CBLB: variants seen among roughly 807,000 people sequenced by gnomAD.
The protein encoded by CBLB is E3 ubiquitin-protein ligase CBL-B.
Under a neutral mutation model 104.9 loss-of-function variants are expected in CBLB, and 31 were observed. The ratio of observed to expected loss-of-function variants is 0.30; its 90% CI spans 0.22 to 0.40. The LOEUF is 0.40. Ranked by LOEUF, CBLB falls within the 10% of genes least tolerant of loss-of-function variation. The pLI is 1.00. For missense variants in CBLB, 1,062 were observed against 1,214.6 expected (o/e 0.87, Z 1.87); for synonymous variants, 440 against 422.6 (o/e 1.04, Z -0.51).
At chr3:105,711,744 ACTT>A (rs2071127342) in intron 10 of CBLB, among the ~76,000 whole-genome samples, 1 of 151,866 alleles carries the variant, frequency 6.6e-6, no homozygotes. Context: ...TTTTTTTTCT[ACTT>A]CTTAATACAG....
At chr3:105,801,262 TATAAAACC>T (rs2082832870) in intron 3 of CBLB, among the ~76,000 whole-genome samples, 1 of 152,178 alleles carries the variant, frequency 6.6e-6, no homozygotes, top group South Asian at 2.1e-4. Flanking sequence ...TTTAATAGCT[TATAAAACC>T]TAGGTAGAGG....
At chr3:105,681,853 G>A (rs1299747539) in intron 14 of CBLB, 35 bp from the exon 15 acceptor site, 1 of 1,214,938 alleles carries the variant, frequency 8.2e-7, no homozygotes, top group East Asian at 2.3e-5. Flanking sequence ...TATATAAGGA[G>A]AATACTTTCC....
chr3:105,776,595 G>A, intron 3 of CBLB, 53 bp from the exon 4 acceptor site: 2 of 1,486,420 alleles, frequency 1.3e-6, no homozygotes, highest in African/African-American at 1.4e-5. Context: ...CTAGATGCAT[G>A]CAAATTTTTA....
At position 105,703,981 on chromosome 3, in the gene CBLB, G is replaced by T; in HGVS notation, c.1593+7C>A. ...TTTCATCTGTGTTTCTAATAAAATT[G>T]ATCTACCTTTGGTGAACCCGTTGGG... On this transcript the variant is annotated splice_region_variant and intron_variant, in intron 11 of 18. Transcript: ENST00000394030. 1 of 1,612,260 alleles carries T rather than the reference G, an allele frequency of 6.2e-7. No homozygotes were observed. Among genetic ancestry groups the T allele is most frequent in the African/African-American group, 1.3e-5 (1 of 74,986 alleles).
chr3:105,716,878 A>G (rs985918936), intron 10 of CBLB, among the ~76,000 whole-genome samples: 1 of 152,140 alleles, frequency 6.6e-6, no homozygotes, highest in African/African-American at 2.4e-5. Flanking sequence ...TAAAAAACAG[A>G]AAGGATCAAT....
At chr3:105,766,388 T>C (rs912872831) in intron 4 of CBLB, among the ~76,000 whole-genome samples, 1 of 152,190 alleles carries the variant, frequency 6.6e-6, no homozygotes, top group East Asian at 1.9e-4. Context: ...CAATTTTGAA[T>C]GAAACTCTAT....
chr3:105,726,769 T>C (rs758231943), intron 9 of CBLB, among the ~76,000 whole-genome samples: 27 of 152,200 alleles, frequency 1.8e-4, no homozygotes, highest in Non-Finnish European at 3.4e-4. Flanking sequence ...GTTCTCAATG[T>C]TCAACTTCCA....
intron 10 of CBLB, among the ~76,000 whole-genome samples, chr3:105,705,119 TTC>T (rs376632304): frequency 1.1e-4 from 16 of 152,342 alleles, no homozygotes; most frequent in African/African-American, 3.6e-4. Flanking sequence ...TTTGATATTG[TTC>T]TGTTTCTGAA....
chr3:105,685,234 G>T, intron 14 of CBLB, 86 bp downstream of exon 14: 2 of 1,141,450 alleles, frequency 1.8e-6, no homozygotes, highest in Non-Finnish European at 1.3e-6. Context: ...TTTTTAATTA[G>T]ACGTGAATCA....
intron 5 of CBLB, among the ~76,000 whole-genome samples, chr3:105,750,988 C>G (rs914976829): frequency 2.6e-5 from 4 of 152,140 alleles, no homozygotes; most frequent in Non-Finnish European, 5.9e-5. Context: ...AAAATAAGTA[C>G]AGGACACAGT....
intron 3 of CBLB, among the ~76,000 whole-genome samples, chr3:105,853,081 C>T (rs1376888924): frequency 6.6e-6 from 1 of 152,104 alleles, no homozygotes; most frequent in Admixed American, 6.5e-5. Flanking sequence ...CACATACTTA[C>T]CATTGTGTTA....
chr3:105,808,185 A>C (rs2083771608), intron 3 of CBLB, among the ~76,000 whole-genome samples: 1 of 152,234 alleles, frequency 6.6e-6, no homozygotes, highest in South Asian at 2.1e-4. Flanking sequence ...GAAAATATTA[A>C]GTTAACTTTC....
chr3:105,821,953 A>T (rs1375160344), intron 3 of CBLB, among the ~76,000 whole-genome samples: 2 of 152,150 alleles, frequency 1.3e-5, no homozygotes, highest in African/African-American at 4.8e-5. Context: ...GATACTAAAC[A>T]CATCTTTCTG....
chr3:105,737,231 A>G lies in CBLB; in HGVS notation c.1011T>C (p.Tyr337=), dbSNP rs2075049628. The part of the protein sequence containing the change: ...GFYLYPDGRS[Y]NPDLTGLCEP... ...CACATAATCCAGTTAAATCAGGATT[A>G]TAACTCCTCCCATCAGGATAAAGAT... The change falls in exon 8 of 19, where the codon TAT becomes TAC. Residue 337 remains tyrosine, a synonymous_variant. Transcript: ENST00000394030. 1 of 1,584,698 alleles carries G rather than the reference A, an allele frequency of 6.3e-7. No individual in the cohort carries two copies. Among genetic ancestry groups the G allele is most frequent in the Non-Finnish European group, 8.7e-7 (1 of 1,155,574 alleles).
chr3:105,680,997 T>G (rs189527293), intron 16 of CBLB: 181 of 160,696 alleles, frequency 1.1e-3, no homozygotes, highest in African/African-American at 4.2e-3. Flanking sequence ...TGAGATTTTT[T>G]TGAATGTGTT....
chr3:105,762,791 G>T lies in CBLB; in HGVS notation c.567-11173C>A, dbSNP rs543195773. ...AAGCCCCCACACAGAGTCTCCACTGGGGCACTGACTAGTGGAGCTGTAAGA... is the reference window on the plus strand; with the variant it reads ...AAGCCCCCACACAGAGTCTCCACTGTGGCACTGACTAGTGGAGCTGTAAGA... On this transcript the variant is annotated intron_variant, in intron 4 of 18. Transcript: ENST00000394030. Among the ~76,000 whole-genome samples the T allele has an allele frequency of 1.7e-3, 258 of 152,276 alleles. 1 individual carries two copies. Among genetic ancestry groups the T allele is most frequent in the Non-Finnish European group, 1.4e-3 (96 of 68,016 alleles).
chr3:105,708,360 G>C (rs1249408968), intron 10 of CBLB, among the ~76,000 whole-genome samples: 1 of 151,972 alleles, frequency 6.6e-6, no homozygotes, highest in Non-Finnish European at 1.5e-5. Context: ...TACTTCCATT[G>C]TGTATAAAAA....
At chr3:105,723,171 G>T (rs2073127456) in intron 9 of CBLB, among the ~76,000 whole-genome samples, 1 of 152,106 alleles carries the variant, frequency 6.6e-6, no homozygotes, top group African/African-American at 2.4e-5. Flanking sequence ...TGTTACTTTG[G>T]TTACTCTGCC....
chr3:105,685,613 A>G, intron 13 of CBLB, 147 bp from the exon 14 acceptor site: 1 of 701,456 alleles, frequency 1.4e-6, no homozygotes, highest in Non-Finnish European at 2.5e-6. Flanking sequence ...CTGTTCTTAT[A>G]TCAAATACAA....
Sources: gnomAD v4.1 joint callset for allele counts (sites outside exome capture counted in the v4.1 genomes callset) on GRCh38, gnomAD v4.1.1 for gene constraint, MANE v1.5 for transcripts, NCBI Gene and HGNC (gene_info 2026-07-23, HGNC 2026-07-21) for gene names.